P3H2: variants seen among roughly 807,000 people sequenced by gnomAD.
The protein encoded by P3H2 is prolyl 3-hydroxylase 2.
P3H2 carries 80 observed loss-of-function variants against 87.0 expected under a neutral mutation model. The ratio of observed to expected loss-of-function variants is 0.92; its 90% CI spans 0.77 to 1.11. The LOEUF (loss-of-function observed/expected upper bound fraction) is 1.11, where lower values mean the gene tolerates loss of function less well. P3H2 is among the 50% of genes least tolerant of loss of function. P3H2 has a pLI of 0.00. For missense variants in P3H2, 1,001 were observed against 923.9 expected (o/e 1.08, Z -1.08); for synonymous variants, 367 against 359.3 (o/e 1.02, Z -0.24).
At chr3:190,053,450 G>GTTTT (rs1282152069) in intron 1 of P3H2, among the ~76,000 whole-genome samples, 1 of 128,916 alleles carries the variant, frequency 7.8e-6, no homozygotes, top group African/African-American at 2.9e-5. Flanking sequence ...AAATAAAGTG[G>GTTTT]TTTTTTTTTT....
chr3:190,019,374 G>A (rs946818800), intron 1 of P3H2, among the ~76,000 whole-genome samples: 5 of 152,170 alleles, frequency 3.3e-5, no homozygotes, highest in African/African-American at 4.8e-5. Context: ...ATACCTGAGA[G>A]AGTTTAAATG....
chr3:190,113,285 T>C (rs1712144910), intron 1 of P3H2, among the ~76,000 whole-genome samples: 1 of 151,344 alleles, frequency 6.6e-6, no homozygotes. Flanking sequence ...AGTGTCATCA[T>C]CTGTTAAGTG....
intron 1 of P3H2, among the ~76,000 whole-genome samples, chr3:189,998,184 A>G (rs933470776): frequency 1.0e-4 from 13 of 126,040 alleles, no homozygotes; most frequent in African/African-American, 3.0e-4. Context: ...AACACATAAT[A>G]TAAGAGGATA....
intron 6 of P3H2, 120 bp downstream of exon 6, chr3:189,986,668 A>G: frequency 1.3e-6 from 1 of 749,176 alleles, no homozygotes; most frequent in South Asian, 1.5e-5. Flanking sequence ...TTTTACCTCA[A>G]GGAGGGCATC....
At chr3:190,051,984 A>G (rs1403450925) in intron 1 of P3H2, among the ~76,000 whole-genome samples, 2 of 152,190 alleles carry the variant, frequency 1.3e-5, no homozygotes, top group Non-Finnish European at 2.9e-5. Flanking sequence ...ACATACCACA[A>G]AATAGTCCTT....
intron 1 of P3H2, among the ~76,000 whole-genome samples, chr3:190,016,571 G>T (rs1408863986): frequency 6.6e-6 from 1 of 152,176 alleles, no homozygotes; most frequent in Non-Finnish European, 1.5e-5. Context: ...AATCTGGCAT[G>T]TGATTTGTGA....
intron 1 of P3H2, among the ~76,000 whole-genome samples, chr3:190,089,893 C>T (rs1252784906): frequency 6.6e-6 from 1 of 152,090 alleles, no homozygotes; most frequent in South Asian, 2.1e-4. Context: ...ATGCCTGACA[C>T]CACATCACAT....
chr3:190,046,397 C>T (rs1262936802), intron 1 of P3H2, among the ~76,000 whole-genome samples: 1 of 152,138 alleles, frequency 6.6e-6, no homozygotes, highest in Admixed American at 6.6e-5. Context: ...AATATGGTTT[C>T]AATTACGTGG....
At chr3:190,065,013 C>T (rs570576716) in intron 1 of P3H2, among the ~76,000 whole-genome samples, 3 of 152,264 alleles carry the variant, frequency 2.0e-5, no homozygotes, top group African/African-American at 7.2e-5. Context: ...GGTAGGCTGG[C>T]TCTCCATAAT....
intron 1 of P3H2, among the ~76,000 whole-genome samples, chr3:190,070,213 A>T (rs2108972360): frequency 6.6e-6 from 1 of 152,226 alleles, no homozygotes; most frequent in Admixed American, 6.5e-5. Context: ...ATAGAGATTT[A>T]TTATTATTGT....
chr3:190,091,408 C>T (rs1194493053), intron 1 of P3H2, among the ~76,000 whole-genome samples: 1 of 152,224 alleles, frequency 6.6e-6, no homozygotes, highest in Non-Finnish European at 1.5e-5. Context: ...CAACTTTACA[C>T]TTCTGCATAA....
At position 189,970,871 on chromosome 3, in the gene P3H2, T is replaced by G. The variant is rs774075107; in HGVS notation, c.1838A>C (p.Asp613Ala). The change falls in exon 13 of 15, where the codon GAT (aspartate) becomes GCT (alanine). Residue 613 changes from aspartate (D) to alanine (A), a missense_variant. Coordinates refer to ENST00000319332, the MANE Select transcript of P3H2 (RefSeq NM_018192.4). ...RDYSALLYMN[D>A]DFEGGEFIFT... Reference sequence around the variant, plus strand: ...TATGAATTCTCCTCCTTCAAAGTCATCATTCATATATAGGAGAGCACTATA... The same window carrying G: ...TATGAATTCTCCTCCTTCAAAGTCAGCATTCATATATAGGAGAGCACTATA... The G allele has an allele frequency of 6.3e-7, 1 of 1,578,482 alleles. No homozygotes were observed. The highest frequency in any genetic ancestry group is 8.7e-7 in the Non-Finnish European group (1 of 1,147,732).
At chr3:190,116,980 T>A (rs1712313008) in intron 1 of P3H2, among the ~76,000 whole-genome samples, 1 of 152,064 alleles carries the variant, frequency 6.6e-6, no homozygotes, top group Non-Finnish European at 1.5e-5. Flanking sequence ...GATATACTCA[T>A]CCCTGGAGCT....
At chr3:190,092,467 C>T (rs1392712106) in intron 1 of P3H2, among the ~76,000 whole-genome samples, 2 of 152,144 alleles carry the variant, frequency 1.3e-5, no homozygotes, top group Admixed American at 6.5e-5. Flanking sequence ...AGGCAAGGAA[C>T]GAAGTCTAGA....
intron 1 of P3H2, among the ~76,000 whole-genome samples, chr3:190,075,244 G>T (rs1240754656): frequency 6.6e-6 from 1 of 152,204 alleles, no homozygotes; most frequent in Admixed American, 6.5e-5. Context: ...CCAGCACTTT[G>T]GGAGGCCAAG....
intron 1 of P3H2, among the ~76,000 whole-genome samples, chr3:190,052,661 GTATA>G (rs1726019112): frequency 6.6e-6 from 1 of 151,176 alleles, no homozygotes; most frequent in African/African-American, 2.4e-5. Flanking sequence ...GTGTATATAA[GTATA>G]TATACATATA....
At chr3:189,966,052 G>C (rs531469989) in intron 13 of P3H2, among the ~76,000 whole-genome samples, 1 of 133,766 alleles carries the variant, frequency 7.5e-6, no homozygotes, top group Non-Finnish European at 1.6e-5. Context: ...AGAAAAGAAA[G>C]AAAGAAAGAA....
intron 1 of P3H2, among the ~76,000 whole-genome samples, chr3:190,120,048 A>T (rs1334385267): frequency 6.6e-6 from 1 of 152,194 alleles, no homozygotes. Flanking sequence ...GGCTCTGAGA[A>T]AGAGAGAAAA....
chr3:189,959,841 C>T (rs1447003374), intron 14 of P3H2, among the ~76,000 whole-genome samples: 1 of 149,992 alleles, frequency 6.7e-6, no homozygotes, highest in Non-Finnish European at 1.5e-5. Context: ...TCCTGTAACT[C>T]TCCAGGACTG....
Sources: allele counts gnomAD v4.1 joint callset (sites outside exome capture counted in the v4.1 genomes callset), GRCh38; gene constraint gnomAD v4.1.1; transcripts MANE v1.5; gene names NCBI Gene and HGNC (gene_info 2026-07-23, HGNC 2026-07-21).